MAML3: variants seen among roughly 807,000 people sequenced by gnomAD.
The protein encoded by MAML3 is mastermind-like protein 3.
Under a neutral mutation model 101.9 loss-of-function variants are expected in MAML3, and 27 were observed. The observed-to-expected ratio is 0.27, with a 90% CI of 0.20 to 0.37. The LOEUF is 0.37. MAML3 is among the 10% of genes least tolerant of loss of function. MAML3 has a pLI of 1.00. For missense variants in MAML3, 1,316 were observed against 1,444.9 expected (o/e 0.91, Z 1.45); for synonymous variants, 501 against 555.9 (o/e 0.90, Z 1.39).
At position 140,153,155 on chromosome 4, in the gene MAML3, C is replaced by G; in HGVS notation, c.173G>C (p.Gly58Ala). 3 of 1,550,446 alleles carry G rather than the reference C, an allele frequency of 1.9e-6. No individual in the cohort carries two copies. Among genetic ancestry groups the G allele is most frequent in the Non-Finnish European group, 2.6e-6 (3 of 1,146,924 alleles). Residue 58 changes from glycine (G) to alanine (A), a missense_variant, in exon 1 of 5, where the codon GGG (glycine) becomes GCG (alanine). Physicochemically the swap from Gly to Ala is moderately conservative, Grantham distance 60 (BLOSUM62 0). Transcript: ENST00000509479. ...GGCCGCCGAACCGCCGCCGGGGCCCCCGGAGCCGCCGCATCCACCGGCTGC... is the reference window on the plus strand; with the variant it reads ...GGCCGCCGAACCGCCGCCGGGGCCCGCGGAGCCGCCGCATCCACCGGCTGC... ...HPAAGGCGGS[G>A]GPGGGSAAVP...
At chr4:139,989,350 C>T (rs144973514) in intron 1 of MAML3, among the ~76,000 whole-genome samples, 10 of 152,230 alleles carry the variant, frequency 6.6e-5, no homozygotes, top group African/African-American at 2.2e-4. Context: ...CCCAGAGAGG[C>T]GGCCAGGAAA....
At chr4:140,051,799 A>C (rs1311286122) in intron 1 of MAML3, among the ~76,000 whole-genome samples, 1 of 152,114 alleles carries the variant, frequency 6.6e-6, no homozygotes, top group Admixed American at 6.5e-5. Flanking sequence ...TTTCCCACTG[A>C]GAAACAGAGG....
At chr4:140,086,606 T>C (rs1430935790) in intron 1 of MAML3, among the ~76,000 whole-genome samples, 1 of 152,206 alleles carries the variant, frequency 6.6e-6, no homozygotes, top group African/African-American at 2.4e-5. Context: ...AAAGTACCAG[T>C]GTTCAGACCC....
chr4:140,038,017 A>C (rs1019629185), intron 1 of MAML3, among the ~76,000 whole-genome samples: 1 of 152,254 alleles, frequency 6.6e-6, no homozygotes, highest in African/African-American at 2.4e-5. Flanking sequence ...ACATTAGCTA[A>C]GATATCTTCT....
intron 2 of MAML3, among the ~76,000 whole-genome samples, chr4:139,777,354 G>A (rs1730112707): frequency 6.6e-6 from 1 of 152,016 alleles, no homozygotes; most frequent in Non-Finnish European, 1.5e-5. Flanking sequence ...TCCTCTACCT[G>A]CTCCAAATCC....
At chr4:139,790,216 C>CATATATATATATATATATATATATATAT (rs367675413) in intron 2 of MAML3, among the ~76,000 whole-genome samples, 15 of 110,226 alleles carry the variant, frequency 1.4e-4, no homozygotes, top group African/African-American at 4.8e-4. Context: ...ACCCTAGTGA[C>CATATATATATATATATATATATATATAT]ATATATATAT....
At chr4:140,012,642 C>T (rs889459413) in intron 1 of MAML3, among the ~76,000 whole-genome samples, 1 of 152,222 alleles carries the variant, frequency 6.6e-6, no homozygotes, top group African/African-American at 2.4e-5. Context: ...TTTCTATAGA[C>T]CGCTTTGCTT....
At chr4:139,857,481 A>G (rs1330642767) in intron 2 of MAML3, among the ~76,000 whole-genome samples, 2 of 151,994 alleles carry the variant, frequency 1.3e-5, no homozygotes, top group African/African-American at 4.8e-5. Flanking sequence ...TTTCTTACCT[A>G]TTGTTTGGCT....
Position 139,880,643 on chromosome 4 carries a change from T to C in MAML3, c.2079+8714A>G, listed in dbSNP as rs567228292. The stretch of plus-strand genomic sequence containing the variant: ...TGACACTGTTGTCTTTTTCAATACA[T>C]GTATTTGACATGTGTAAATTTTGTG... On this transcript the variant is annotated intron_variant, in intron 2 of 4. Transcript: ENST00000509479. Among the ~76,000 whole-genome samples, 10 of 152,340 alleles carry C rather than the reference T, an allele frequency of 6.6e-5. No individual in the cohort carries two copies. The East Asian group carries it at 1.9e-3, about 29-fold the overall frequency.
At chr4:140,090,987 T>C (rs1462055485) in intron 1 of MAML3, among the ~76,000 whole-genome samples, 1 of 151,980 alleles carries the variant, frequency 6.6e-6, no homozygotes, top group Non-Finnish European at 1.5e-5. Context: ...GAGGCGGAGG[T>C]TGCAGTAAGC....
At chr4:139,802,065 C>T (rs189630279) in intron 2 of MAML3, among the ~76,000 whole-genome samples, 11 of 152,232 alleles carry the variant, frequency 7.2e-5, no homozygotes, top group South Asian at 2.1e-4. Context: ...TTCAACCCTA[C>T]GGCTCGGATC....
intron 1 of MAML3, among the ~76,000 whole-genome samples, chr4:140,062,895 C>T (rs1055700735): frequency 1.3e-5 from 2 of 152,200 alleles, no homozygotes; most frequent in African/African-American, 4.8e-5. Context: ...TTGCTGGATA[C>T]TGAATTCTGG....
intron 2 of MAML3, among the ~76,000 whole-genome samples, chr4:139,759,098 C>G (rs921676527): frequency 2.6e-5 from 4 of 152,216 alleles, no homozygotes; most frequent in Non-Finnish European, 5.9e-5. Context: ...AAAGAACCTT[C>G]TCGCCCATGT....
intron 2 of MAML3, among the ~76,000 whole-genome samples, chr4:139,860,628 G>A (rs1005225487): frequency 2.0e-5 from 3 of 152,208 alleles, no homozygotes; most frequent in Non-Finnish European, 4.4e-5. Flanking sequence ...CAGGTGTGAC[G>A]TCATCAATCT....
intron 2 of MAML3, among the ~76,000 whole-genome samples, chr4:139,809,615 G>GT (rs1479203107): frequency 3.3e-5 from 5 of 152,178 alleles, no homozygotes; most frequent in African/African-American, 9.7e-5. Flanking sequence ...ACAGTCCATC[G>GT]TAAGTACAGG....
chr4:139,722,505 C>A (rs1032348970), intron 4 of MAML3, among the ~76,000 whole-genome samples: 1 of 152,128 alleles, frequency 6.6e-6, no homozygotes, highest in Non-Finnish European at 1.5e-5. Context: ...TTGTGAGACA[C>A]TGTAATCTAA....
chr4:139,961,989 G>A (rs946255409), intron 1 of MAML3, among the ~76,000 whole-genome samples: 1 of 152,128 alleles, frequency 6.6e-6, no homozygotes, highest in Admixed American at 6.5e-5. Context: ...GGTGGCATGT[G>A]CCTGTGGTCC....
rs56928318 is a variant in MAML3 at position 139,864,923 on chromosome 4, C to CTTGTTTTTTTTTTTTTTTTTTTTTTT, written c.2079+24433_2079+24434insAAAAAAAAAAAAAAAAAAAAAAACAA. On this transcript the variant is annotated intron_variant, in intron 2 of 4. Transcript: ENST00000509479. ...TTAGGAAAATAGTAATGCAAACTTG[C>CTTGTTTTTTTTTTTTTTTTTTTTTTT]TTTTTTTTTTTTTTTTTTTTTTTTT... Among the ~76,000 whole-genome samples the CTTGTTTTTTTTTTTTTTTTTTTTTTT allele has an allele frequency of 1.1e-4, 7 of 62,456 alleles. 3 individuals carry two copies. The highest frequency in any genetic ancestry group is 2.3e-4 in the African/African-American group (4 of 17,052). 41.0% of individuals were successfully genotyped at this position (62,456 alleles called of 152,430 possible). A position where few individuals can be genotyped will look rare whatever the true frequency, so the allele number is the denominator to read the frequency against.
chr4:140,109,235 T>A (rs996772205), intron 1 of MAML3, among the ~76,000 whole-genome samples: 9 of 152,308 alleles, frequency 5.9e-5, no homozygotes, highest in Admixed American at 2.6e-4. Context: ...CAGTTGAAGG[T>A]ATCCTCCTAC....
Sources: allele counts gnomAD v4.1 joint callset (sites outside exome capture counted in the v4.1 genomes callset), GRCh38; gene constraint gnomAD v4.1.1; transcripts MANE v1.5; gene names NCBI Gene and HGNC (gene_info 2026-07-23, HGNC 2026-07-21).